Variants in FBXL5 observed in about 807,000 individuals in gnomAD.
The protein encoded by FBXL5 is F-box/LRR-repeat protein 5.
A neutral mutation model predicts 78.3 loss-of-function variants in FBXL5; 26 were observed. That is an observed-to-expected ratio of 0.33 (90% CI 0.24 to 0.46). FBXL5 has a LOEUF of 0.46. Among genes scored for constraint, FBXL5 ranks in the 20% least tolerant of loss-of-function variants. The pLI, the probability that FBXL5 is intolerant of heterozygous loss-of-function variation, is 1.00. For missense variants in FBXL5, 710 were observed against 829.2 expected (o/e 0.86, Z 1.77); for synonymous variants, 295 against 282.5 (o/e 1.04, Z -0.45).
chr4:15,622,959 T>A lies in FBXL5; in HGVS notation c.1850+2293A>T, dbSNP rs1201583486. Among the ~76,000 whole-genome samples, 4 of 152,266 alleles carry A rather than the reference T, an allele frequency of 2.6e-5. No individual in the cohort carries two copies. The East Asian group carries it at 7.7e-4, about 29-fold the overall frequency. On this transcript the variant is annotated intron_variant, in intron 9 of 10. Coordinates refer to ENST00000341285, the MANE Select transcript of FBXL5 (RefSeq NM_012161.4). ...AAGAATAAGTGCAACTTATTTCCAA[T>A]CCCAACAGCAGTAAATTATCCACTT...
At position 15,605,208 on chromosome 4, in the gene FBXL5, A is replaced by T. The variant is rs916366262; in HGVS notation, c.*515T>A. 1 of 152,968 alleles carries T rather than the reference A, an allele frequency of 6.5e-6. No homozygotes were observed. Among genetic ancestry groups the T allele is most frequent in the Non-Finnish European group, 1.5e-5 (1 of 68,320 alleles). 9.5% of individuals were successfully genotyped at this position (152,968 alleles called of 1,614,324 possible). On this transcript the variant is annotated 3_prime_UTR_variant, in exon 11 of 11. Transcript: ENST00000341285. Reference sequence around the variant, plus strand: ...CCAATTTATTCTATAATCCTAAAGAACCTTAAATGTGGGTTTGTTTGAATT... The same window carrying T: ...CCAATTTATTCTATAATCCTAAAGATCCTTAAATGTGGGTTTGTTTGAATT...
chr4:15,661,101 CT>C (rs1226696366), upstream of FBXL5, among the ~76,000 whole-genome samples: 1 of 151,932 alleles, frequency 6.6e-6, no homozygotes, highest in Non-Finnish European at 1.5e-5. Flanking sequence ...GTTAGGTAAC[CT>C]TTAACGAATC....
intron 9 of FBXL5, among the ~76,000 whole-genome samples, chr4:15,617,536 T>TC (rs1432010274): frequency 8.4e-6 from 1 of 119,602 alleles, no homozygotes; most frequent in Non-Finnish European, 1.7e-5. Context: ...AGAGTGAGAC[T>TC]CCATGTCTCA....
At chr4:15,609,370 T>C (rs1162394800) in intron 10 of FBXL5, among the ~76,000 whole-genome samples, 1 of 152,134 alleles carries the variant, frequency 6.6e-6, no homozygotes, top group Non-Finnish European at 1.5e-5. Flanking sequence ...TAAGGTTAGC[T>C]ATTATTTCTC....
chr4:15,680,267 G>C (rs1718173359), intron 1 of FBXL5, among the ~76,000 whole-genome samples: 1 of 152,188 alleles, frequency 6.6e-6, no homozygotes, highest in Admixed American at 6.5e-5. Flanking sequence ...AGACTATTAG[G>C]AATGGTACTG....
chr4:15,639,802 G>A (rs183425570), intron 3 of FBXL5, among the ~76,000 whole-genome samples: 8 of 152,146 alleles, frequency 5.3e-5, no homozygotes, highest in Admixed American at 2.0e-4. Context: ...AAATACTATC[G>A]GGGTTTCTTT....
intron 7 of FBXL5, among the ~76,000 whole-genome samples, chr4:15,627,511 A>T (rs1713190027): frequency 6.6e-6 from 1 of 152,196 alleles, no homozygotes; most frequent in Non-Finnish European, 1.5e-5. Flanking sequence ...TGATGTAGGA[A>T]GTCGTAATAT....
upstream of FBXL5, among the ~76,000 whole-genome samples, chr4:15,658,559 G>C (rs1717134471): frequency 6.6e-6 from 1 of 151,908 alleles, no homozygotes; most frequent in East Asian, 1.9e-4. Context: ...ACCTGTGCCA[G>C]CATGCTGAGT....
intron 1 of FBXL5, among the ~76,000 whole-genome samples, chr4:15,674,368 G>A (rs1717887320): frequency 6.6e-6 from 1 of 151,758 alleles, no homozygotes; most frequent in South Asian, 2.1e-4. Context: ...CACTGTACTG[G>A]GTATGTGAGA....
chr4:15,675,016 C>T (rs983769895), intron 1 of FBXL5, among the ~76,000 whole-genome samples: 2 of 152,046 alleles, frequency 1.3e-5, no homozygotes, highest in Admixed American at 1.3e-4. Flanking sequence ...AAATTCCCAT[C>T]AGTTCACTAG....
rs373786843 is a variant in FBXL5, at chr4:15,665,760, CA to C, written c.-283-5839del. ...GGATGAGAATATCTGGCCCCCAGTC[CA>C]AAATTCTTAAATTTAAGGGAAAAAA... On this transcript the variant is annotated intron_variant, in intron 1 of 4. Coordinates refer to the FBXL5 transcript ENST00000507899. Among the ~76,000 whole-genome samples the C allele has an allele frequency of 5.7e-4, 86 of 152,126 alleles. No homozygotes were observed. In the East Asian group the frequency reaches 0.015, roughly 27 times the overall value.
chr4:15,637,478 C>T (rs1415568942), intron 4 of FBXL5, among the ~76,000 whole-genome samples: 1 of 152,106 alleles, frequency 6.6e-6, no homozygotes, highest in East Asian at 1.9e-4. Context: ...TTTCACAAAG[C>T]AACTTAAATA....
At chr4:15,679,871 C>T (rs1718146348) in intron 1 of FBXL5, among the ~76,000 whole-genome samples, 1 of 152,030 alleles carries the variant, frequency 6.6e-6, no homozygotes, top group African/African-American at 2.4e-5. Flanking sequence ...TTTGCAAACA[C>T]ATTTCCTCTT....
chr4:15,644,829 A>T, intron 1 of FBXL5, 121 bp from the exon 2 acceptor site: 1 of 660,722 alleles, frequency 1.5e-6, no homozygotes, highest in Non-Finnish European at 2.5e-6. Flanking sequence ...ACTTGGTTAA[A>T]GTACAAATAA....
intron 1 of FBXL5, among the ~76,000 whole-genome samples, chr4:15,647,670 A>G (rs1207350105): frequency 6.6e-6 from 1 of 152,192 alleles, no homozygotes; most frequent in East Asian, 1.9e-4. Flanking sequence ...TAACTATATA[A>G]AGAGACTCTA....
chr4:15,648,213 G>A (rs749692748), intron 1 of FBXL5, among the ~76,000 whole-genome samples: 4 of 152,056 alleles, frequency 2.6e-5, no homozygotes, highest in Non-Finnish European at 4.4e-5. Context: ...CCCTACCTAG[G>A]CATCTGTAAG....
intron 1 of FBXL5, among the ~76,000 whole-genome samples, chr4:15,670,831 G>T (rs767195386): frequency 6.6e-6 from 1 of 150,816 alleles, no homozygotes. Flanking sequence ...CTGGTACAAC[G>T]GATCTACTGA....
chr4:15,655,959 C>A (rs1009054752), upstream of FBXL5, among the ~76,000 whole-genome samples: 17 of 152,196 alleles, frequency 1.1e-4, no homozygotes, highest in African/African-American at 3.6e-4. Context: ...CAGCCCACAG[C>A]GGGCGCGGGG....
chr4:15,633,947 C>T (rs1713955675), intron 5 of FBXL5, among the ~76,000 whole-genome samples: 2 of 152,044 alleles, frequency 1.3e-5, no homozygotes, highest in Non-Finnish European at 2.9e-5. Context: ...GGCTTCTCAA[C>T]CTTGACAATA....
Sources: gnomAD v4.1 joint callset for allele counts (sites outside exome capture counted in the v4.1 genomes callset) on GRCh38, gnomAD v4.1.1 for gene constraint, MANE v1.5 for transcripts, NCBI Gene and HGNC (gene_info 2026-07-23, HGNC 2026-07-21) for gene names.